RORA: variants seen among roughly 807,000 people sequenced by gnomAD.
RORA encodes the protein nuclear receptor ROR-alpha.
Under a neutral mutation model 69.5 loss-of-function variants are expected in RORA, and 7 were observed. That is an observed-to-expected ratio of 0.10 (90% CI 0.06 to 0.19). RORA has a LOEUF of 0.19. Ranked by LOEUF, RORA falls within the 10% of genes least tolerant of loss-of-function variation. RORA has a pLI of 1.00. For missense variants in RORA, 457 were observed against 663.0 expected, an observed-to-expected ratio of 0.69 and a Z score of 3.41; for synonymous variants, 261 against 240.8, an observed-to-expected ratio of 1.08 and a Z score of -0.78.
intron 1 of RORA, among the ~76,000 whole-genome samples, chr15:60,800,957 T>A (rs1400632615): frequency 6.6e-6 from 1 of 152,234 alleles, no homozygotes; most frequent in Admixed American, 6.5e-5. Flanking sequence ...CCCAATACTT[T>A]CTGCAGTGCT....
At chr15:60,543,352 G>A (rs1217179702) in intron 2 of RORA, among the ~76,000 whole-genome samples, 1 of 152,008 alleles carries the variant, frequency 6.6e-6, no homozygotes, top group African/African-American at 2.4e-5. Flanking sequence ...ATCTCTCTGT[G>A]CCTCAGTTTC....
At chr15:60,978,593 C>T (rs917127936) in intron 1 of RORA, among the ~76,000 whole-genome samples, 1 of 152,088 alleles carries the variant, frequency 6.6e-6, no homozygotes, top group Non-Finnish European at 1.5e-5. Context: ...GAAACTATTG[C>T]CTAATCCAAA....
intron 1 of RORA, among the ~76,000 whole-genome samples, chr15:60,876,011 C>G (rs929684765): frequency 6.6e-6 from 1 of 152,056 alleles, no homozygotes; most frequent in Admixed American, 6.5e-5. Flanking sequence ...CTTTGAAGAC[C>G]ACAGTTGTTC....
chr15:61,126,464 C>T (rs1181544148), intron 1 of RORA, among the ~76,000 whole-genome samples: 1 of 152,142 alleles, frequency 6.6e-6, no homozygotes, highest in Non-Finnish European at 1.5e-5. Flanking sequence ...ACTTATTCAT[C>T]CTAACTAAAA....
At chr15:61,060,025 G>C (rs188834204) in intron 1 of RORA, among the ~76,000 whole-genome samples, 1 of 144,902 alleles carries the variant, frequency 6.9e-6, no homozygotes, top group African/African-American at 2.7e-5. Context: ...AGAAGAAGAA[G>C]AAGAAGAAGA....
At chr15:60,903,407 G>A (rs1891444600) in intron 1 of RORA, among the ~76,000 whole-genome samples, 1 of 152,144 alleles carries the variant, frequency 6.6e-6, no homozygotes, top group Admixed American at 6.6e-5. Flanking sequence ...CCTATTGGCC[G>A]ATTTGGCAAG....
At position 61,061,301 on chromosome 15, in the gene RORA, C is replaced by T. The variant is rs570071648; in HGVS notation, c.166+167752G>A. Among the ~76,000 whole-genome samples, 5 of 151,818 alleles carry T rather than the reference C, an allele frequency of 3.3e-5. No homozygotes were observed. In the South Asian group the frequency reaches 6.2e-4, roughly 19 times the overall value. Reference sequence around the variant, plus strand: ...TCGGGAGGCAGAGCTTGCAGTGAGCCGAGGTTGTGCCACTGCAGGCGTGCA... The same window carrying T: ...TCGGGAGGCAGAGCTTGCAGTGAGCTGAGGTTGTGCCACTGCAGGCGTGCA... On this transcript the variant is annotated intron_variant, in intron 1 of 10. Coordinates refer to ENST00000335670, the MANE Select transcript of RORA (RefSeq NM_134261.3). This position sits in a 1 kb window ranked among gnomAD's most constrained non-coding sequence, Gnocchi z 4.4.
At chr15:60,592,652 GC>G in intron 2 of RORA, 1 of 1,122,636 alleles carries the variant, frequency 8.9e-7, no homozygotes, top group Non-Finnish European at 1.1e-6. Flanking sequence ...GAGGCGGGAG[GC>G]GGGAGGCAGG....
chr15:60,503,192 A>C (rs948017053), intron 7 of RORA, among the ~76,000 whole-genome samples: 19 of 152,190 alleles, frequency 1.2e-4, no homozygotes, highest in African/African-American at 4.1e-4. Context: ...TAAAACCAAG[A>C]ATCAAAAACA....
At chr15:60,930,921 C>T (rs565339798) in intron 1 of RORA, among the ~76,000 whole-genome samples, 5 of 152,316 alleles carry the variant, frequency 3.3e-5, no homozygotes, top group African/African-American at 1.2e-4. Flanking sequence ...AGGCCTCTTA[C>T]GTCTTGCTTA....
At chr15:60,912,556 C>T (rs889134253) in intron 1 of RORA, among the ~76,000 whole-genome samples, 1 of 152,010 alleles carries the variant, frequency 6.6e-6, no homozygotes, top group Non-Finnish European at 1.5e-5. Context: ...AGATCGACAC[C>T]ATCTTGGCTA....
At chr15:60,849,134 T>C (rs2073298023) in intron 1 of RORA, 1 of 152,264 alleles carries the variant, frequency 6.6e-6, no homozygotes, top group South Asian at 2.1e-4. Flanking sequence ...ATCAGACTGT[T>C]TCTAATTTCT....
In RORA at chr15:60,655,818, T is replaced by C. The variant is rs368209304; in HGVS notation, c.196+22839A>G. Reference sequence around the variant, plus strand: ...TTCTGGGCACAGGGACTGCAGACCATAGCAACGTACCTCACCTTTTCTGAG... The same window carrying C: ...TTCTGGGCACAGGGACTGCAGACCACAGCAACGTACCTCACCTTTTCTGAG... On this transcript the variant is annotated intron_variant, in intron 2 of 10. Transcript: ENST00000335670. 9.2e-5 allele frequency among the ~76,000 whole-genome samples: 14 copies of C among 152,302 alleles called. No homozygotes were observed. In the East Asian group the frequency reaches 1.9e-3, roughly 21 times the overall value.
chr15:60,715,162 C>T (rs2071203252), intron 1 of RORA, among the ~76,000 whole-genome samples: 1 of 152,156 alleles, frequency 6.6e-6, no homozygotes, highest in South Asian at 2.1e-4. Flanking sequence ...CTCAAGCAGC[C>T]TGTGATGCAG....
At chr15:60,727,691 G>A (rs933077396) in intron 1 of RORA, among the ~76,000 whole-genome samples, 13 of 152,060 alleles carry the variant, frequency 8.5e-5, no homozygotes, top group African/African-American at 3.1e-4. Flanking sequence ...AAAAAATGGC[G>A]TGAAAGTGAA....
chr15:61,159,640 T>C (rs561540979), intron 1 of RORA, among the ~76,000 whole-genome samples: 1 of 152,360 alleles, frequency 6.6e-6, no homozygotes, highest in South Asian at 2.1e-4. Context: ...TACCACACTG[T>C]ATTGCATTCA....
intron 2 of RORA, among the ~76,000 whole-genome samples, chr15:60,587,598 G>C (rs2068373260): frequency 6.6e-6 from 1 of 152,186 alleles, no homozygotes; most frequent in Admixed American, 6.5e-5. Context: ...AATGATGTAA[G>C]AGTGTTTGTA....
At chr15:60,820,815 C>A (rs2072884207) in intron 1 of RORA, among the ~76,000 whole-genome samples, 1 of 152,220 alleles carries the variant, frequency 6.6e-6, no homozygotes, top group Non-Finnish European at 1.5e-5. Context: ...TAGTATCTCA[C>A]AATGTCTCTC....
chr15:60,901,454 G>A (rs140999060), intron 1 of RORA, among the ~76,000 whole-genome samples: 105 of 152,304 alleles, frequency 6.9e-4, no homozygotes, highest in African/African-American at 2.5e-3. Context: ...TTACAGGTGT[G>A]AGCCACCACG....
Sources: allele counts gnomAD v4.1 joint callset (sites outside exome capture counted in the v4.1 genomes callset), GRCh38; gene constraint gnomAD v4.1.1; non-coding constraint Gnocchi (gnomAD v3.1); transcripts MANE v1.5; gene names NCBI Gene and HGNC (gene_info 2026-07-23, HGNC 2026-07-21).